ANKRD33B: variants seen among roughly 807,000 people sequenced by gnomAD.
The protein encoded by ANKRD33B is ankyrin repeat domain 33B, also known as ankyrin repeat domain-containing protein 33B.
ANKRD33B carries 6 observed loss-of-function variants against 21.5 expected under a neutral mutation model. That is an observed-to-expected ratio of 0.28 (90% CI 0.15 to 0.55). The LOEUF (loss-of-function observed/expected upper bound fraction) is 0.55. Ranked by LOEUF, ANKRD33B falls within the 20% of genes least tolerant of loss-of-function variation. The pLI, the probability that ANKRD33B is intolerant of heterozygous loss-of-function variation, is 0.94. For missense variants in ANKRD33B, 698 were observed against 747.2 expected (o/e 0.93, Z 0.77); for synonymous variants, 347 against 342.4 (o/e 1.01, Z -0.15).
rs778634977 is a variant in ANKRD33B at position 10,619,496 on chromosome 5, G to GA, written c.496+1034_496+1035insA. The GA allele has an allele frequency of 3.3e-5, 17 of 513,898 alleles. No individual in the cohort carries two copies. Among genetic ancestry groups the GA allele is most frequent in the Admixed American group, 6.4e-5 (1 of 15,710 alleles). 31.8% of individuals were successfully genotyped at this position (513,898 alleles called of 1,614,324 possible). A position where few individuals can be genotyped will look rare whatever the true frequency, so the allele number is the denominator to read the frequency against. On this transcript the variant is annotated intron_variant, in intron 2 of 3. Transcript: ENST00000296657. This position sits in a 1 kb window ranked among gnomAD's most constrained non-coding sequence, Gnocchi z 4.5. ...ACCCTGGGTGGATCTGATGGGTGGG[G>GA]GGCCAGGGAGGCTGGAAAACCAGTG...
Position 10,606,502 on chromosome 5 carries a change from A to G in ANKRD33B, c.367-11831A>G, listed in dbSNP as rs563712351. On this transcript the variant is annotated intron_variant, in intron 1 of 3. Coordinates refer to ENST00000296657, the MANE Select transcript of ANKRD33B (RefSeq NM_001164440.2). ...TGTAATCCCAGCACTTTGGGAGGCCAAGGTGGGCGGATCACAAGGTCAAGA... is the reference window on the plus strand; with the variant it reads ...TGTAATCCCAGCACTTTGGGAGGCCGAGGTGGGCGGATCACAAGGTCAAGA... 2.1e-4 allele frequency among the ~76,000 whole-genome samples: 32 copies of G among 152,222 alleles called. No individual in the cohort carries two copies. In the East Asian group the frequency reaches 5.8e-3, roughly 28 times the overall value.
At chr5:10,640,029 AGCGGGTGACGTGGAGTTGCACGGTG>A in intron 3 of ANKRD33B, among the ~76,000 whole-genome samples, 1 of 88,276 alleles carries the variant, frequency 1.1e-5, no homozygotes, top group Admixed American at 1.2e-4. Context: ...CGGCGATGTT[AGCGGGTGACGTGGAGTTGCACGGTG>A]ATGTTAGGCG....
chr5:10,622,883 G>A (rs1422904387), intron 2 of ANKRD33B, among the ~76,000 whole-genome samples: 2 of 149,346 alleles, frequency 1.3e-5, no homozygotes, highest in East Asian at 2.1e-4. Context: ...TTTAAGTCAA[G>A]GATGACACAG....
intron 2 of ANKRD33B, among the ~76,000 whole-genome samples, chr5:10,630,870 C>CAAAAA (rs34531639): frequency 5.9e-5 from 7 of 119,094 alleles, no homozygotes; most frequent in East Asian, 4.9e-4. Flanking sequence ...GAGACTGTGT[C>CAAAAA]AAAAAAAAAA....
At chr5:10,596,936 C>T (rs2126565585) in intron 1 of ANKRD33B, among the ~76,000 whole-genome samples, 1 of 152,238 alleles carries the variant, frequency 6.6e-6, no homozygotes, top group African/African-American at 2.4e-5. Flanking sequence ...GTTTCATATC[C>T]AGCCAATCTA....
chr5:10,620,853 A>G (rs775659969), intron 2 of ANKRD33B, among the ~76,000 whole-genome samples: 3 of 152,252 alleles, frequency 2.0e-5, no homozygotes, highest in Non-Finnish European at 4.4e-5. Flanking sequence ...CTCTGTAATT[A>G]GTAAGTAATC....
intron 2 of ANKRD33B, 50 bp downstream of exon 2, chr5:10,618,512 C>A: frequency 6.8e-7 from 1 of 1,474,334 alleles, no homozygotes; most frequent in Non-Finnish European, 9.0e-7. Flanking sequence ...CAGAGCACCG[C>A]CGCCGGGCAG....
At chr5:10,604,380 A>G (rs1735998279) in intron 1 of ANKRD33B, among the ~76,000 whole-genome samples, 1 of 149,564 alleles carries the variant, frequency 6.7e-6, no homozygotes, top group South Asian at 2.1e-4. Context: ...TTTGGTAGAG[A>G]TGGGGTTTCG....
intron 1 of ANKRD33B, among the ~76,000 whole-genome samples, chr5:10,593,273 G>A (rs530275735): frequency 1.7e-3 from 256 of 151,756 alleles, no homozygotes; most frequent in Non-Finnish European, 3.0e-3. Context: ...AATTATTATC[G>A]CAGATAATAT....
chr5:10,592,453 A>G, intron 1 of ANKRD33B, among the ~76,000 whole-genome samples: 1 of 47,860 alleles, frequency 2.1e-5, no homozygotes, highest in Non-Finnish European at 6.5e-5. Context: ...TCTCTACTAA[A>G]AAAAAAAAAA....
Position 10,656,020 on chromosome 5 carries a change from G to A in ANKRD33B, c.*5907G>A, listed in dbSNP as rs2126617657. On this transcript the variant is annotated 3_prime_UTR_variant, in exon 4 of 4. Coordinates refer to ENST00000296657, the MANE Select transcript of ANKRD33B (RefSeq NM_001164440.2). The stretch of plus-strand genomic sequence containing the variant: ...TGCCATTGCAGCGGTCATGCTGGGA[G>A]CTGCCGAGAGCTTACAACAAAAGCA... The A allele has an allele frequency of 6.6e-6, 1 of 152,334 alleles. No individual in the cohort carries two copies. Among genetic ancestry groups the A allele is most frequent in the South Asian group, 2.1e-4 (1 of 4,818 alleles). The allele number at this position is 152,334 out of a possible 1,614,324, so 9.4% of individuals were successfully genotyped here. A position where few individuals can be genotyped will look rare whatever the true frequency, so the allele number is the denominator to read the frequency against.
Position 10,657,799 on chromosome 5 carries a change from A to T in ANKRD33B, c.*7686A>T, listed in dbSNP as rs1737529567. On this transcript the variant is annotated 3_prime_UTR_variant, in exon 4 of 4. Transcript: ENST00000296657. ...GAGAATTGTGGCTAAAGAATAAAAA[A>T]TCACTTGTTAAAACGCATTCTTATG... 1 of 152,404 alleles carries T rather than the reference A, an allele frequency of 6.6e-6. No individual in the cohort carries two copies. The highest frequency in any genetic ancestry group is 2.4e-5 in the African/African-American group (1 of 41,478). 9.4% of individuals were successfully genotyped at this position (152,404 alleles called of 1,614,324 possible).
At chr5:10,567,671 G>A (rs541433724) in intron 1 of ANKRD33B, among the ~76,000 whole-genome samples, 14 of 152,294 alleles carry the variant, frequency 9.2e-5, no homozygotes, top group Non-Finnish European at 1.8e-4. Flanking sequence ...ACACATTTAG[G>A]GCTGAAATTA....
chr5:10,605,291 A>G (rs1428566158), intron 1 of ANKRD33B, among the ~76,000 whole-genome samples: 1 of 152,230 alleles, frequency 6.6e-6, no homozygotes, highest in Non-Finnish European at 1.5e-5. Context: ...CTGATGCAGC[A>G]TGGGAGGTGA....
At chr5:10,580,781 C>T (rs2126552279) in intron 1 of ANKRD33B, among the ~76,000 whole-genome samples, 1 of 152,188 alleles carries the variant, frequency 6.6e-6, no homozygotes, top group South Asian at 2.1e-4. Context: ...TCCGGACTTG[C>T]CCCTGGACCA....
At position 10,649,524 on chromosome 5, in the gene ANKRD33B, C is replaced by T. The variant is rs976768078; in HGVS notation, c.896C>T (p.Pro299Leu). 4.6e-6 allele frequency: 7 copies of T among 1,532,678 alleles called. No individual in the cohort carries two copies. The Admixed American group carries it at 9.8e-5, about 22-fold the overall frequency. 94.9% of individuals were successfully genotyped at this position (1,532,678 alleles called of 1,614,324 possible). A position where few individuals can be genotyped will look rare whatever the true frequency, so the allele number is the denominator to read the frequency against. Residue 299 changes from proline (P) to leucine (L), a missense_variant, in exon 4 of 4, where the codon CCG (proline) becomes CTG (leucine). Transcript: ENST00000296657. ...CTGACGCCGCGCTCCGTGCGGGGCCCGGAGGACGGGGGCGTCCTGGACCAC... is the reference window on the plus strand; with the variant it reads ...CTGACGCCGCGCTCCGTGCGGGGCCTGGAGGACGGGGGCGTCCTGGACCAC... ...SVLTPRSVRGPEDGGVLDHMV... is the reference protein window; with the variant it reads ...SVLTPRSVRGLEDGGVLDHMV...
At chr5:10,622,937 A>G (rs1318726053) in intron 2 of ANKRD33B, among the ~76,000 whole-genome samples, 1 of 152,074 alleles carries the variant, frequency 6.6e-6, no homozygotes, top group Non-Finnish European at 1.5e-5. Flanking sequence ...GGAAGAAGGA[A>G]AGGGCTCCAG....
intron 3 of ANKRD33B, among the ~76,000 whole-genome samples, chr5:10,648,734 G>A (rs984612824): frequency 7.9e-5 from 12 of 152,114 alleles, no homozygotes; most frequent in African/African-American, 2.7e-4. Flanking sequence ...ACTCCAGCCT[G>A]GGCAACAAGA....
Position 10,653,855 on chromosome 5 carries a change from C to G in ANKRD33B, c.*3742C>G, listed in dbSNP as rs778110256. Reference sequence around the variant, plus strand: ...GCTTTGAACAGCTGCATTCACTCACCGAGGGCTCGCCCTCCCTGGATCTGC... The same window carrying G: ...GCTTTGAACAGCTGCATTCACTCACGGAGGGCTCGCCCTCCCTGGATCTGC... On this transcript the variant is annotated 3_prime_UTR_variant, in exon 4 of 4. Transcript: ENST00000296657. The G allele has an allele frequency of 6.6e-6, 1 of 152,420 alleles. No homozygotes were observed. Among genetic ancestry groups the G allele is most frequent in the Admixed American group, 6.5e-5 (1 of 15,286 alleles). 9.4% of individuals were successfully genotyped at this position (152,420 alleles called of 1,614,324 possible).
Sources: gnomAD v4.1 joint callset for allele counts (sites outside exome capture counted in the v4.1 genomes callset) on GRCh38, gnomAD v4.1.1 for gene constraint, Gnocchi (gnomAD v3.1) non-coding constraint, MANE v1.5 for transcripts, NCBI Gene and HGNC (gene_info 2026-07-23, HGNC 2026-07-21) for gene names.